ICA1L: variants seen among roughly 807,000 people sequenced by gnomAD.
ICA1L encodes the protein islet cell autoantigen 1-like protein.
In ICA1L, 50 loss-of-function variants were observed where a neutral mutation model predicts 61.3. The ratio of observed to expected loss-of-function variants is 0.82; its 90% CI spans 0.65 to 1.03. The LOEUF is 1.03. Ranked by LOEUF, ICA1L falls within the 50% of genes least tolerant of loss-of-function variation. The pLI is 0.00. For synonymous variants in ICA1L, 161 were observed against 191.3 expected (o/e 0.84, Z 1.31); for missense variants, 508 against 556.7 (o/e 0.91, Z 0.88).
At chr2:202,799,015 T>C (rs1417398261) in intron 9 of ICA1L, among the ~76,000 whole-genome samples, 1 of 152,208 alleles carries the variant, frequency 6.6e-6, no homozygotes, top group East Asian at 1.9e-4. Context: ...TCTTTATCCA[T>C]TCATCCATTG....
At chr2:202,870,569 A>G (rs1351376225) in intron 1 of ICA1L, 1 of 152,138 alleles carries the variant, frequency 6.6e-6, no homozygotes, top group African/African-American at 2.4e-5. Context: ...TGTATAATTA[A>G]CTCCTACTAA....
At chr2:202,862,188 C>A (rs1258748239) in intron 1 of ICA1L, among the ~76,000 whole-genome samples, 2 of 140,690 alleles carry the variant, frequency 1.4e-5, no homozygotes, top group Non-Finnish European at 3.0e-5. Flanking sequence ...TTTGTAATCC[C>A]AGTGATTCAG....
At chr2:202,846,009 A>G (rs185034305) in intron 1 of ICA1L, among the ~76,000 whole-genome samples, 20 of 152,268 alleles carry the variant, frequency 1.3e-4, no homozygotes, top group Admixed American at 3.9e-4. Flanking sequence ...CATTCCTCAG[A>G]GTGACGGTTT....
intron 1 of ICA1L, among the ~76,000 whole-genome samples, chr2:202,854,463 G>A (rs572394650): frequency 5.9e-5 from 9 of 152,220 alleles, no homozygotes; most frequent in South Asian, 2.1e-4. Flanking sequence ...ACACCCCACC[G>A]TCAATATGAG....
At chr2:202,817,665 C>G (rs1358788958) in intron 5 of ICA1L, 122 bp from the exon 6 acceptor site, 2 of 487,708 alleles carry the variant, frequency 4.1e-6, no homozygotes, top group Middle Eastern at 5.7e-4. Flanking sequence ...ATAATAAAGA[C>G]TAATTTCTTT....
intron 1 of ICA1L, among the ~76,000 whole-genome samples, chr2:202,833,342 G>C (rs370657737): frequency 6.6e-6 from 1 of 152,198 alleles, no homozygotes; most frequent in Admixed American, 6.5e-5. Context: ...AGGACTTTGG[G>C]AGGCTGTGGG....
In ICA1L at chr2:202,792,821, T is replaced by A. The variant is rs559937881; in HGVS notation, c.986-3734A>T. Among the ~76,000 whole-genome samples, 158 of 151,814 alleles carry A rather than the reference T, an allele frequency of 1.0e-3. 1 individual carries two copies. Among genetic ancestry groups the A allele is most frequent in the East Asian group, 8.7e-3 (45 of 5,154 alleles). On this transcript the variant is annotated intron_variant, in intron 10 of 12. Coordinates refer to ENST00000358299, the MANE Select transcript of ICA1L (RefSeq NM_001288622.3). ...TCGGCCTCAAAAAATTAAAAAAAAA[T>A]AATAATAAACTACTGATATATACAA...
intron 3 of ICA1L, among the ~76,000 whole-genome samples, chr2:202,823,731 T>C (rs1693759848): frequency 6.6e-6 from 1 of 152,234 alleles, no homozygotes. Context: ...AATTCCTGTC[T>C]ATGGAATTGC....
intron 9 of ICA1L, among the ~76,000 whole-genome samples, chr2:202,804,182 C>T (rs1282873826): frequency 6.6e-6 from 1 of 152,168 alleles, no homozygotes; most frequent in African/African-American, 2.4e-5. Context: ...CCTAAGACCC[C>T]TCCCCTATTT....
intron 1 of ICA1L, among the ~76,000 whole-genome samples, chr2:202,848,758 G>C (rs2105878750): frequency 6.6e-6 from 1 of 152,226 alleles, no homozygotes; most frequent in South Asian, 2.1e-4. Flanking sequence ...GATATATATA[G>C]TCATGCACCG....
intron 12 of ICA1L, among the ~76,000 whole-genome samples, chr2:202,784,895 T>C (rs1224288601): frequency 6.6e-6 from 1 of 152,078 alleles, no homozygotes; most frequent in Non-Finnish European, 1.5e-5. Context: ...AGTATGAACA[T>C]GCTTAATATT....
rs1328706456 is a variant in ICA1L at position 202,776,956 on chromosome 2, T to A, written c.*2577A>T. ...TAACAGGGACTTCCTTGCACACATG[T>A]GAGGGAGATAAATATCTCAGAACTA... On this transcript the variant is annotated 3_prime_UTR_variant, in exon 13 of 13. Coordinates refer to ENST00000358299, the MANE Select transcript of ICA1L (RefSeq NM_001288622.3). The A allele has an allele frequency of 6.6e-6, 1 of 150,828 alleles. No homozygotes were observed. Among genetic ancestry groups the A allele is most frequent in the African/African-American group, 2.4e-5 (1 of 40,920 alleles). The allele number at this position is 150,828 out of a possible 1,614,324, so 9.3% of individuals were successfully genotyped here.
intron 6 of ICA1L, among the ~76,000 whole-genome samples, chr2:202,816,784 T>C (rs899211009): frequency 1.3e-5 from 2 of 152,208 alleles, no homozygotes; most frequent in African/African-American, 2.4e-5. Flanking sequence ...ATTTTTTCCA[T>C]TGAAAAATAT....
At chr2:202,782,875 C>A (rs72932722) in intron 12 of ICA1L, among the ~76,000 whole-genome samples, 14,153 of 151,956 alleles carry the variant, frequency 0.093, 783 homozygotes, top group Non-Finnish European at 0.13. Flanking sequence ...GTTTTAAATG[C>A]TTAAGCACAA....
intron 1 of ICA1L, among the ~76,000 whole-genome samples, chr2:202,855,642 A>G (rs1013716895): frequency 5.9e-5 from 9 of 152,172 alleles, no homozygotes; most frequent in African/African-American, 1.9e-4. Flanking sequence ...CTGGCCTCCA[A>G]TAACAAGTTC....
chr2:202,862,820 AGAGT>A (rs1415999128), intron 1 of ICA1L, among the ~76,000 whole-genome samples: 1 of 151,950 alleles, frequency 6.6e-6, no homozygotes, highest in Non-Finnish European at 1.5e-5. Context: ...GTAGGCAACA[AGAGT>A]GAGACTTCAT....
chr2:202,785,403 T>C lies in ICA1L; in HGVS notation c.1333+515A>G, dbSNP rs192124008. On this transcript the variant is annotated intron_variant, in intron 12 of 12. Transcript: ENST00000358299. Reference sequence around the variant, plus strand: ...TTACAGTACAAAATGTAGTACACTTTGTCAAGCTCACAGTTTCTTTCTTTC... The same window carrying C: ...TTACAGTACAAAATGTAGTACACTTCGTCAAGCTCACAGTTTCTTTCTTTC... Among the ~76,000 whole-genome samples, 21 of 152,224 alleles carry C rather than the reference T, an allele frequency of 1.4e-4. No homozygotes were observed. In the South Asian group the frequency reaches 3.1e-3, roughly 23 times the overall value.
chr2:202,840,164 G>A (rs890573171), intron 1 of ICA1L, among the ~76,000 whole-genome samples: 1 of 148,270 alleles, frequency 6.7e-6, no homozygotes, highest in African/African-American at 2.5e-5. Context: ...CTGGAGGAAT[G>A]GGCAAGGGGG....
chr2:202,779,661 A>G lies in ICA1L; in HGVS notation c.1334-13T>C, dbSNP rs754989065. ...CCATTGTTGGGGGCTATTAAAAAAG[A>G]AAAAAAATACATTAAAGAGATTCAG... On this transcript the variant is annotated splice_polypyrimidine_tract_variant and intron_variant, in intron 12 of 12. Transcript: ENST00000358299. 2 of 1,440,836 alleles carry G rather than the reference A, an allele frequency of 1.4e-6. No homozygotes were observed. The highest frequency in any genetic ancestry group is 1.2e-5 in the South Asian group (1 of 83,508). The allele number at this position is 1,440,836 out of a possible 1,614,324, so 89.3% of individuals were successfully genotyped here. A position where few individuals can be genotyped will look rare whatever the true frequency, so the allele number is the denominator to read the frequency against.
Sources: allele counts gnomAD v4.1 joint callset (sites outside exome capture counted in the v4.1 genomes callset), GRCh38; gene constraint gnomAD v4.1.1; transcripts MANE v1.5; gene names NCBI Gene and HGNC (gene_info 2026-07-23, HGNC 2026-07-21).